SULF1: variants seen among roughly 807,000 people sequenced by gnomAD.
SULF1 encodes extracellular sulfatase Sulf-1.
SULF1 carries 46 observed loss-of-function variants against 110.5 expected under a neutral mutation model. The observed-to-expected ratio is 0.42, with a 90% CI of 0.33 to 0.53. SULF1 has a LOEUF of 0.53. Among genes scored for constraint, SULF1 ranks in the 20% least tolerant of loss-of-function variants. The pLI, the probability that SULF1 is intolerant of heterozygous loss-of-function variation, is 0.12. For missense variants in SULF1, 941 were observed against 1,094.2 expected (o/e 0.86, Z 1.98); for synonymous variants, 371 against 387.1 (o/e 0.96, Z 0.49).
At chr8:69,481,277 A>G (rs1054551100) in intron 1 of SULF1, among the ~76,000 whole-genome samples, 1 of 152,192 alleles carries the variant, frequency 6.6e-6, no homozygotes. Context: ...TACCAGTATT[A>G]CAACTTCTTA....
In SULF1 at chr8:69,471,881, G is replaced by A. The variant is rs76534356; in HGVS notation, c.-391+4931G>A. On this transcript the variant is annotated intron_variant, in intron 1 of 22. Transcript: ENST00000260128. ...GACCTAGGATGCAGGAATGACAAAC[G>A]TTCAGCTATGTCAGTCATTAATCCT... Among the ~76,000 whole-genome samples, 55 of 152,260 alleles carry A rather than the reference G, an allele frequency of 3.6e-4. No homozygotes were observed. The East Asian group carries it at 8.1e-3, about 22-fold the overall frequency.
chr8:69,545,247 A>G (rs1299121596), intron 3 of SULF1, among the ~76,000 whole-genome samples: 1 of 152,128 alleles, frequency 6.6e-6, no homozygotes, highest in Non-Finnish European at 1.5e-5. Context: ...CATAGCACTT[A>G]CCATATGTTA....
At chr8:69,470,824 T>A (rs939210057) in intron 1 of SULF1, among the ~76,000 whole-genome samples, 10 of 152,268 alleles carry the variant, frequency 6.6e-5, no homozygotes, top group African/African-American at 2.2e-4. Flanking sequence ...CCCCGCCAAA[T>A]CCCCACAACC....
intron 1 of SULF1, among the ~76,000 whole-genome samples, chr8:69,470,076 A>T (rs1309908589): frequency 6.6e-6 from 1 of 152,124 alleles, no homozygotes; most frequent in Admixed American, 6.6e-5. Flanking sequence ...AAGATTTCTG[A>T]TACTGAGCTA....
intron 3 of SULF1, among the ~76,000 whole-genome samples, chr8:69,519,297 A>G (rs922993994): frequency 6.6e-5 from 10 of 152,240 alleles, no homozygotes; most frequent in Admixed American, 4.6e-4. Context: ...CATATGAAGC[A>G]TAGCATATAT....
chr8:69,589,354 T>A (rs990781802), intron 8 of SULF1, among the ~76,000 whole-genome samples: 2 of 152,142 alleles, frequency 1.3e-5, no homozygotes, highest in African/African-American at 4.8e-5. Context: ...GAATCAAATT[T>A]CCAGCATTTA....
At chr8:69,516,836 T>A (rs1811957918) in intron 3 of SULF1, among the ~76,000 whole-genome samples, 2 of 152,170 alleles carry the variant, frequency 1.3e-5, no homozygotes, top group African/African-American at 4.8e-5. Context: ...TCATTGATAT[T>A]ATATGTTTTA....
intron 1 of SULF1, among the ~76,000 whole-genome samples, chr8:69,484,862 T>TCTTCTTCTTCTTC (rs150917549): frequency 7.1e-6 from 1 of 141,826 alleles, no homozygotes; most frequent in African/African-American, 2.7e-5. Context: ...TTCTTCTTCT[T>TCTTCTTCTTCTTC]TTCTTCCTCC....
rs1411886355 is a variant in SULF1, at chr8:69,542,059, G to A, written c.-133-21480G>A. ...TGGAATTATACATTTTCTTTACAGC[G>A]CTGTCATTCATTTAAAGGTCTGGAG... On this transcript the variant is annotated intron_variant, in intron 3 of 22. Coordinates refer to ENST00000402687, the MANE Select transcript of SULF1 (RefSeq NM_001128205.2). 5.3e-5 allele frequency among the ~76,000 whole-genome samples: 8 copies of A among 152,090 alleles called. No homozygotes were observed. In the South Asian group the frequency reaches 8.3e-4, roughly 16 times the overall value.
In SULF1 at chr8:69,589,076, G is replaced by T. The variant is rs111474126; in HGVS notation, c.669G>T (p.Ala223=). The part of the protein sequence containing the change: ...RPVMMVISHA[A]PHGPEDSAPQ... ...TTATGATGGTGATCAGCCACGCTGC[G>T]CCCCACGGCCCCGAGGACTCAGCCC... Residue 223 remains alanine, a synonymous_variant, in exon 8 of 23, where the codon GCG becomes GCT. Transcript: ENST00000402687. 6,859 of 1,614,050 alleles carry T rather than the reference G, an allele frequency of 4.2e-3. 25 individuals are homozygous for T. The highest frequency in any genetic ancestry group is 5.5e-3 in the Non-Finnish European group (6,474 of 1,179,962).
intron 15 of SULF1, among the ~76,000 whole-genome samples, chr8:69,626,750 G>A (rs1162440296): frequency 1.3e-5 from 2 of 152,258 alleles, no homozygotes; most frequent in East Asian, 1.9e-4. Flanking sequence ...CGCAAGGGCC[G>A]GCCGGCCTCT....
intron 3 of SULF1, among the ~76,000 whole-genome samples, chr8:69,545,501 A>T (rs1814193329): frequency 1.3e-5 from 2 of 152,328 alleles, no homozygotes; most frequent in Admixed American, 1.3e-4. Context: ...AACATTAGCC[A>T]CTAGGGACCT....
chr8:69,631,383 G>T (rs1810533797), intron 19 of SULF1, among the ~76,000 whole-genome samples: 1 of 152,054 alleles, frequency 6.6e-6, no homozygotes, highest in Non-Finnish European at 1.5e-5. Context: ...GCTCCCCTCT[G>T]GTCCTCACCA....
intron 3 of SULF1, among the ~76,000 whole-genome samples, chr8:69,545,782 C>T (rs1481080207): frequency 6.6e-6 from 1 of 152,150 alleles, no homozygotes; most frequent in Non-Finnish European, 1.5e-5. Flanking sequence ...CTGCAACCTC[C>T]ACCTTCCAGG....
intron 2 of SULF1, among the ~76,000 whole-genome samples, chr8:69,497,443 A>T (rs745526699): frequency 6.6e-6 from 1 of 152,180 alleles, no homozygotes; most frequent in Non-Finnish European, 1.5e-5. Flanking sequence ...GGCATGAGCC[A>T]CCAGGCCCGG....
At chr8:69,627,375 C>A in intron 16 of SULF1, 69 bp downstream of exon 16, 1 of 1,140,710 alleles carries the variant, frequency 8.8e-7, no homozygotes, top group Non-Finnish European at 1.3e-6. Flanking sequence ...CCTGCTGTGT[C>A]TGGTGGGACA....
At chr8:69,480,010 CTT>C (rs370863439) in intron 1 of SULF1, among the ~76,000 whole-genome samples, 4 of 145,992 alleles carry the variant, frequency 2.7e-5, no homozygotes, top group African/African-American at 1.0e-4. Context: ...CAAGAAAAAG[CTT>C]TTTTTTTTTC....
chr8:69,472,629 T>G (rs1030732804), intron 1 of SULF1, among the ~76,000 whole-genome samples: 2 of 152,208 alleles, frequency 1.3e-5, no homozygotes, highest in Non-Finnish European at 2.9e-5. Flanking sequence ...GGAAAGAAAC[T>G]GGAACTGCCT....
At chr8:69,636,877 C>G (rs1309862128) in intron 19 of SULF1, among the ~76,000 whole-genome samples, 1 of 152,056 alleles carries the variant, frequency 6.6e-6, no homozygotes, top group East Asian at 1.9e-4. Context: ...CTGGTTTGGC[C>G]AGGATTCAGA....
Sources: gnomAD v4.1 joint callset for allele counts (sites outside exome capture counted in the v4.1 genomes callset) on GRCh38, gnomAD v4.1.1 for gene constraint, MANE v1.5 for transcripts, NCBI Gene and HGNC (gene_info 2026-07-23, HGNC 2026-07-21) for gene names.